The following MED13L variants were observed in gnomAD, a reference collection of about 807,000 sequenced individuals.
MED13L encodes the protein mediator complex subunit 13L.
A neutral mutation model predicts 220.9 loss-of-function variants in MED13L; 7 were observed. The observed-to-expected ratio is 0.03, with a 90% CI of 0.02 to 0.06. The LOEUF (loss-of-function observed/expected upper bound fraction) is 0.06, where lower values mean the gene tolerates loss of function less well. MED13L is among the 10% of genes least tolerant of loss of function. The pLI, the probability that MED13L is intolerant of heterozygous loss-of-function variation, is 1.00. For synonymous variants in MED13L, 1,011 were observed against 1,015.2 expected, an observed-to-expected ratio of 1.00 and a Z score of 0.08; for missense variants, 1,965 against 2,760.5, an observed-to-expected ratio of 0.71 and a Z score of 6.46.
chr12:116,251,883 G>C (rs962837680), intron 1 of MED13L, among the ~76,000 whole-genome samples: 1 of 151,426 alleles, frequency 6.6e-6, no homozygotes, highest in Non-Finnish European at 1.5e-5. Context: ...AATTATGAGA[G>C]AGCTAAAGGG....
At chr12:116,115,591 G>C (rs890294446) in intron 2 of MED13L, among the ~76,000 whole-genome samples, 4 of 151,488 alleles carry the variant, frequency 2.6e-5, no homozygotes, top group African/African-American at 7.3e-5. Context: ...GGAATAAACA[G>C]TTACAAATCA....
chr12:116,050,370 C>T (rs960373064), intron 4 of MED13L, among the ~76,000 whole-genome samples: 1 of 152,072 alleles, frequency 6.6e-6, no homozygotes, highest in Admixed American at 6.6e-5. Flanking sequence ...TCTGTGTACA[C>T]ATGGAACAGG....
intron 2 of MED13L, among the ~76,000 whole-genome samples, chr12:116,168,168 C>T (rs550608154): frequency 1.3e-5 from 2 of 151,972 alleles, no homozygotes; most frequent in South Asian, 4.2e-4. Flanking sequence ...CATGAATATA[C>T]CTTTCAAAGT....
At chr12:116,260,054 A>T (rs1439947425) in intron 1 of MED13L, among the ~76,000 whole-genome samples, 1 of 152,212 alleles carries the variant, frequency 6.6e-6, no homozygotes. Flanking sequence ...GAGCGGCTGG[A>T]ACATGGACAA....
At chr12:116,108,402 C>CGGG (rs1873786189) in intron 3 of MED13L, among the ~76,000 whole-genome samples, 1 of 15,862 alleles carries the variant, frequency 6.3e-5, no homozygotes, top group Non-Finnish European at 1.3e-4. Context: ...GGGGGGGGGG[C>CGGG]GCGTGGGGGG....
chr12:116,121,858 G>A (rs567701256), intron 2 of MED13L, among the ~76,000 whole-genome samples: 2 of 152,198 alleles, frequency 1.3e-5, no homozygotes, highest in South Asian at 4.1e-4. Context: ...TGGAGGTGGG[G>A]GAAGGGCACT....
chr12:116,017,402 T>C (rs2137424656), intron 7 of MED13L, among the ~76,000 whole-genome samples: 1 of 152,340 alleles, frequency 6.6e-6, no homozygotes, highest in South Asian at 2.1e-4. Context: ...GTGGATAACT[T>C]AATGTAGTGC....
chr12:116,166,346 T>A (rs1879271339), intron 2 of MED13L, among the ~76,000 whole-genome samples: 1 of 152,138 alleles, frequency 6.6e-6, no homozygotes, highest in Non-Finnish European at 1.5e-5. Flanking sequence ...GTGGGCACAA[T>A]CTCATCAGCT....
At chr12:116,125,676 C>G (rs1875524707) in intron 2 of MED13L, among the ~76,000 whole-genome samples, 1 of 152,168 alleles carries the variant, frequency 6.6e-6, no homozygotes, top group Admixed American at 6.6e-5. Context: ...TTTTGGTTTT[C>G]TGTACTGTGT....
chr12:116,236,279 G>C (rs1297267721), intron 2 of MED13L, among the ~76,000 whole-genome samples: 4 of 152,144 alleles, frequency 2.6e-5, no homozygotes, highest in African/African-American at 9.7e-5. Context: ...TCAGGATAAA[G>C]GTTTGAGCTG....
chr12:116,010,643 T>C (rs1592944417), intron 9 of MED13L, among the ~76,000 whole-genome samples: 1 of 150,728 alleles, frequency 6.6e-6, no homozygotes, highest in African/African-American at 2.4e-5. Context: ...ACTATATGGG[T>C]GACTGGTGGT....
intron 4 of MED13L, among the ~76,000 whole-genome samples, chr12:116,034,428 C>T (rs1263906990): frequency 1.3e-5 from 2 of 152,102 alleles, no homozygotes; most frequent in Non-Finnish European, 2.9e-5. Context: ...GATAGTCCAG[C>T]GAGGCATACA....
At chr12:116,209,551 A>C (rs1882564782) in intron 2 of MED13L, among the ~76,000 whole-genome samples, 1 of 152,122 alleles carries the variant, frequency 6.6e-6, no homozygotes. Context: ...CTCTGAAGCA[A>C]TGCCGTGAAA....
chr12:116,125,389 A>C (rs1022382956), intron 2 of MED13L, among the ~76,000 whole-genome samples: 2 of 152,232 alleles, frequency 1.3e-5, no homozygotes, highest in African/African-American at 4.8e-5. Flanking sequence ...ATAATTTTAA[A>C]TAGTAGGATT....
chr12:116,269,549 G>A (rs1192008472), intron 1 of MED13L, among the ~76,000 whole-genome samples: 4 of 151,064 alleles, frequency 2.6e-5, no homozygotes, highest in African/African-American at 7.3e-5. Flanking sequence ...AATGGAGGCA[G>A]GGAGCAGCGG....
intron 2 of MED13L, among the ~76,000 whole-genome samples, chr12:116,182,896 C>A (rs1880624404): frequency 6.6e-6 from 1 of 152,198 alleles, no homozygotes; most frequent in South Asian, 2.1e-4. Flanking sequence ...TCTTCATGTG[C>A]TACACAAAGG....
intron 6 of MED13L, 37 bp downstream of exon 6, chr12:116,019,740 GA>G (rs1436239315): frequency 1.3e-6 from 2 of 1,568,726 alleles, no homozygotes; most frequent in African/African-American, 2.7e-5. Context: ...GGAAGAGGAA[GA>G]AGAATAAAGT....
intron 3 of MED13L, among the ~76,000 whole-genome samples, chr12:116,097,485 T>A (rs531051142): frequency 5.0e-4 from 76 of 152,282 alleles, no homozygotes; most frequent in African/African-American, 1.7e-3. Flanking sequence ...AAATTTTTAT[T>A]TTTTATTTTT....
At chr12:116,263,648 C>T (rs923697705) in intron 1 of MED13L, among the ~76,000 whole-genome samples, 3 of 152,320 alleles carry the variant, frequency 2.0e-5, no homozygotes, top group Non-Finnish European at 4.4e-5. Context: ...TTGGATATCA[C>T]ACAAACCAAA....
Sources: allele counts gnomAD v4.1 joint callset (sites outside exome capture counted in the v4.1 genomes callset), GRCh38; gene constraint gnomAD v4.1.1; transcripts MANE v1.5; gene names NCBI Gene and HGNC (gene_info 2026-07-23, HGNC 2026-07-21).